The following ABCB8 variants were observed in gnomAD, a reference collection of about 807,000 sequenced individuals.
ABCB8 encodes the protein mitochondrial potassium channel ATP-binding subunit.
A neutral mutation model predicts 73.0 loss-of-function variants in ABCB8; 52 were observed. That is an observed-to-expected ratio of 0.71 (90% confidence interval 0.57 to 0.90). The LOEUF is 0.90. ABCB8 is among the 40% of genes least tolerant of loss of function. The pLI, the probability that ABCB8 is intolerant of heterozygous loss-of-function variation, is 0.00. For missense variants in ABCB8, 909 were observed against 974.6 expected (o/e 0.93, Z 0.90); for synonymous variants, 428 against 423.5 (o/e 1.01, Z -0.13).
rs1246348447 is a variant in ABCB8, at chr7:151,036,057, T to A, written c.1014-16T>A. On this transcript the variant is annotated splice_polypyrimidine_tract_variant and intron_variant, in intron 7 of 15. Coordinates refer to ENST00000358849, the MANE Select transcript of ABCB8 (RefSeq NM_007188.5). ...CAGCCCAGCTGCCTCCTGAATGCACTGGTCTCTCTCACCAGGCGCTATGGG... is the reference window on the plus strand; with the variant it reads ...CAGCCCAGCTGCCTCCTGAATGCACAGGTCTCTCTCACCAGGCGCTATGGG... The A allele has an allele frequency of 6.2e-7, 1 of 1,613,138 alleles. No homozygotes were observed. Among genetic ancestry groups the A allele is most frequent in the Non-Finnish European group, 8.5e-7 (1 of 1,179,886 alleles).
chr7:151,036,965 C>T (rs1236610233), intron 9 of ABCB8: 1 of 696,574 alleles, frequency 1.4e-6, no homozygotes, highest in Non-Finnish European at 2.6e-6. Flanking sequence ...ACATAAAATA[C>T]AGCATTTTAA....
chr7:151,038,130 C>T (rs1032575854), intron 9 of ABCB8: 1 of 153,552 alleles, frequency 6.5e-6, no homozygotes, highest in African/African-American at 2.4e-5. Flanking sequence ...GGGGCTGCCT[C>T]CACCACTGCC....
In ABCB8 at chr7:151,044,139, C is replaced by A; in HGVS notation, c.1934C>A (p.Thr645Lys). The change falls in exon 15 of 16, where the codon ACG (threonine) becomes AAG (lysine). Residue 645 changes from threonine (T) to lysine (K), a missense_variant. Coordinates refer to ENST00000358849, the MANE Select transcript of ABCB8 (RefSeq NM_007188.5). ...EALDRASAGR[T>K]VLVIAHRLST... ...CTGGACCGGGCCAGTGCAGGCCGCA[C>A]GGTGCTGGTAATTGCCCACCGGCTC... 1 of 1,613,952 alleles carries A rather than the reference C, an allele frequency of 6.2e-7. No homozygotes were observed. The highest frequency in any genetic ancestry group is 8.5e-7 in the Non-Finnish European group (1 of 1,179,956).
At position 151,040,373 on chromosome 7, in the gene ABCB8, A is replaced by T. The variant is rs1053923113; in HGVS notation, c.1251+72A>T. On this transcript the variant is annotated intron_variant, in intron 10 of 15. Transcript: ENST00000358849. ...GTGTGTGCCGCTGTGGGAGCTGCCT[A>T]TTGACTGGGTGTGGGCGGGCAGAGG... 14 of 1,597,614 alleles carry T rather than the reference A, an allele frequency of 8.8e-6. 1 individual carries two copies. Among genetic ancestry groups the T allele is most frequent in the Middle Eastern group, 1.7e-4 (1 of 5,994 alleles).
intron 9 of ABCB8, chr7:151,039,201 C>T (rs1796390918): frequency 6.6e-6 from 1 of 152,330 alleles, no homozygotes; most frequent in Non-Finnish European, 1.5e-5. Flanking sequence ...CTTTGCCAGG[C>T]CCTAATGTCT....
At chr7:151,031,287 G>A (rs866585833) in intron 1 of ABCB8, 4 of 1,553,182 alleles carry the variant, frequency 2.6e-6, no homozygotes, top group Non-Finnish European at 3.5e-6. Context: ...CAAGGCAGAA[G>A]GAGAGTAAGC....
At chr7:151,033,113 C>T (rs916209622) in intron 1 of ABCB8, 10 of 457,704 alleles carry the variant, frequency 2.2e-5, no homozygotes, top group Non-Finnish European at 4.4e-5. Context: ...AGGGAAGTAG[C>T]CCATTAGCTC....
At chr7:151,029,054 T>G in intron 1 of ABCB8, 2 of 1,112,586 alleles carry the variant, frequency 1.8e-6, no homozygotes, top group South Asian at 3.6e-5. Flanking sequence ...CCGGGCGCGG[T>G]GGCTCGCTCC....
At chr7:151,030,766 C>T (rs1796141296) in intron 1 of ABCB8, among the ~76,000 whole-genome samples, 1 of 151,994 alleles carries the variant, frequency 6.6e-6, no homozygotes, top group Non-Finnish European at 1.5e-5. Flanking sequence ...ATGGTGAAGC[C>T]CTGTCTGTAC....
chr7:151,040,979 G>C, intron 12 of ABCB8, 57 bp downstream of exon 12: 1 of 1,605,454 alleles, frequency 6.2e-7, no homozygotes, highest in Non-Finnish European at 8.5e-7. Flanking sequence ...GCCACTCAGA[G>C]CAAGGCCGGG....
At chr7:151,043,822 G>A in intron 14 of ABCB8, 149 bp from the exon 15 acceptor site, 1 of 1,126,000 alleles carries the variant, frequency 8.9e-7, no homozygotes. Context: ...CACAGTGCGG[G>A]GTGGGGGTCA....
At chr7:151,042,408 A>G (rs991922045) in intron 14 of ABCB8, among the ~76,000 whole-genome samples, 8 of 152,166 alleles carry the variant, frequency 5.3e-5, no homozygotes, top group Admixed American at 2.6e-4. Context: ...CCAGGGACAC[A>G]GTGATGCATG....
rs1796606645 is a variant in ABCB8, at chr7:151,046,192, G to A, written c.*843G>A. The A allele has an allele frequency of 6.6e-6, 1 of 152,412 alleles. No homozygotes were observed. The highest frequency in any genetic ancestry group is 2.1e-4 in the South Asian group (1 of 4,838). The allele number at this position is 152,412 out of a possible 1,614,324, so 9.4% of individuals were successfully genotyped here. ...ACCAAGAACACCCAGCACTGAAGGA[G>A]ATGGGAGGGGCTGATGCCCACCTGG... is the stretch of plus-strand genomic sequence containing the variant. On this transcript the variant is annotated 3_prime_UTR_variant, in exon 16 of 16. Transcript: ENST00000358849.
chr7:151,031,564 C>T (rs926512395), intron 1 of ABCB8: 2 of 342,040 alleles, frequency 5.8e-6, no homozygotes, highest in South Asian at 5.9e-5. Context: ...ACCATCCTCT[C>T]CTGGCTGGAT....
chr7:151,036,612 C>T lies in ABCB8; in HGVS notation c.1180C>T (p.Leu394Phe). ...CGGACAGCAGCTGACAGGGGGAGACCTCATGTCCTTCCTGGTGGCCTCCCA... is the reference window on the plus strand; with the variant it reads ...CGGACAGCAGCTGACAGGGGGAGACTTCATGTCCTTCCTGGTGGCCTCCCA... Reference protein sequence around the residue: ...VAGQQLTGGDLMSFLVASQTV... With the variant: ...VAGQQLTGGDFMSFLVASQTV... Residue 394 changes from leucine (L) to phenylalanine (F), a missense_variant, in exon 9 of 16, where the codon CTC (leucine) becomes TTC (phenylalanine). By Grantham distance (22) the Leu-to-Phe change is conservative. Coordinates refer to ENST00000358849, the MANE Select transcript of ABCB8 (RefSeq NM_007188.5). 1 of 1,613,156 alleles carries T rather than the reference C, an allele frequency of 6.2e-7. No individual in the cohort carries two copies. The highest frequency in any genetic ancestry group is 8.5e-7 in the Non-Finnish European group (1 of 1,179,476).
At position 151,028,477 on chromosome 7, in the gene ABCB8, A is replaced by G. The variant is rs1218313385; in HGVS notation, c.-39A>G. On this transcript the variant is annotated 5_prime_UTR_variant, in exon 1 of 16. Transcript: ENST00000358849. ...AGAGCCCTCAGTGGGATGAGGGTGA[A>G]ACTGCTATTGCCGGCGGCTCCTGTT... 1.9e-6 allele frequency: 3 copies of G among 1,591,232 alleles called. No individual in the cohort carries two copies. Among genetic ancestry groups the G allele is most frequent in the Admixed American group, 1.8e-5 (1 of 56,362 alleles).
chr7:151,034,385 C>T lies in ABCB8; in HGVS notation c.521C>T (p.Ser174Phe), dbSNP rs147682687. The T allele has an allele frequency of 1.1e-5, 17 of 1,613,840 alleles. No homozygotes were observed. Among genetic ancestry groups the T allele is most frequent in the Admixed American group, 3.3e-5 (2 of 59,996 alleles). Reference sequence around the variant, plus strand: ...CACGTAGGGAGTTTCATGACTGAGTCCCAGAATCTCAGCACCCACCTGCTT... The same window carrying T: ...CACGTAGGGAGTTTCATGACTGAGTTCCAGAATCTCAGCACCCACCTGCTT... ...RDHVGSFMTE[S>F]QNLSTHLLIL... The change falls in exon 3 of 16, where the codon TCC (serine) becomes TTC (phenylalanine). Residue 174 changes from serine (S) to phenylalanine (F), a missense_variant. By Grantham distance (155) the Ser-to-Phe change is radical. Transcript: ENST00000358849.
At chr7:151,037,591 A>C in intron 9 of ABCB8, 1 of 461,594 alleles carries the variant, frequency 2.2e-6, no homozygotes, top group Non-Finnish European at 4.0e-6. Flanking sequence ...ACAGATCATC[A>C]AAGGGTGAAG....
intron 1 of ABCB8, chr7:151,028,868 C>G: frequency 6.5e-7 from 1 of 1,531,092 alleles, no homozygotes; most frequent in Non-Finnish European, 8.8e-7. Context: ...TGACCACGCC[C>G]AGTCCGCACT....
Sources: gnomAD v4.1 joint callset for allele counts (sites outside exome capture counted in the v4.1 genomes callset) on GRCh38, gnomAD v4.1.1 for gene constraint, MANE v1.5 for transcripts, NCBI Gene and HGNC (gene_info 2026-07-23, HGNC 2026-07-21) for gene names.